The following XRCC6 variants were observed in gnomAD, a reference collection of about 807,000 sequenced individuals.
XRCC6 encodes the protein X-ray repair cross complementing 6, also known as DNA repair protein Ku70.
In XRCC6, 5 loss-of-function variants were observed where a neutral mutation model predicts 65.7. The observed-to-expected ratio is 0.08, with a 90% CI of 0.04 to 0.16. The LOEUF (loss-of-function observed/expected upper bound fraction) is 0.16. Among genes scored for constraint, XRCC6 ranks in the 10% least tolerant of loss-of-function variants. The probability of loss-of-function intolerance (pLI) is 1.00; values close to 1 mark genes in which losing one functional copy is unlikely to be tolerated. For missense variants in XRCC6, 447 were observed against 738.1 expected (o/e 0.61, Z 4.57); for synonymous variants, 270 against 270.6 (o/e 1.00, Z 0.02).
chr22:41,632,563 A>G (rs926000246), intron 3 of XRCC6, among the ~76,000 whole-genome samples: 2 of 152,076 alleles, frequency 1.3e-5, no homozygotes, highest in Non-Finnish European at 2.9e-5. Flanking sequence ...GTGAGCCAGG[A>G]TCACGCCACT....
At chr22:41,629,188 T>C (rs1034009450) in intron 3 of XRCC6, among the ~76,000 whole-genome samples, 1 of 152,170 alleles carries the variant, frequency 6.6e-6, no homozygotes, top group Non-Finnish European at 1.5e-5. Context: ...TGACTGTACC[T>C]GACCTGTTCT....
At chr22:41,633,771 G>T (rs543580672) in intron 3 of XRCC6, among the ~76,000 whole-genome samples, 1 of 152,262 alleles carries the variant, frequency 6.6e-6, no homozygotes, top group African/African-American at 2.4e-5. Context: ...ATTTCAGAGA[G>T]TTAATGGAAC....
chr22:41,644,784 C>T (rs1263975735), intron 6 of XRCC6, among the ~76,000 whole-genome samples: 10 of 151,966 alleles, frequency 6.6e-5, no homozygotes, highest in East Asian at 5.8e-4. Context: ...CCACTGCACC[C>T]GGCCTGCAGA....
At chr22:41,624,074 T>C (rs1461351831) in intron 2 of XRCC6, among the ~76,000 whole-genome samples, 1 of 151,700 alleles carries the variant, frequency 6.6e-6, no homozygotes, top group Non-Finnish European at 1.5e-5. Flanking sequence ...TGGCTCACAC[T>C]TGTAATCTCA....
At chr22:41,660,370 C>T (rs538053291) in intron 11 of XRCC6, among the ~76,000 whole-genome samples, 25 of 152,316 alleles carry the variant, frequency 1.6e-4, no homozygotes, top group African/African-American at 5.3e-4. Flanking sequence ...ATTCTGGTTT[C>T]CAGCTCTGTG....
Position 41,623,634 on chromosome 22 carries a change from T to C in XRCC6, c.82+1548T>C, listed in dbSNP as rs575250404. On this transcript the variant is annotated intron_variant, in intron 2 of 12. Coordinates refer to ENST00000360079, the MANE Select transcript of XRCC6 (RefSeq NM_001469.5). ...GATCTCCTGACCTTGTGATCCGCCC[T>C]ACTCAGCATCCCAAAGTGCTGGGAT... Among the ~76,000 whole-genome samples, 8 of 152,200 alleles carry C rather than the reference T, an allele frequency of 5.3e-5. No homozygotes were observed. In the South Asian group the frequency reaches 1.7e-3, roughly 32 times the overall value.
At chr22:41,658,382 C>T in intron 11 of XRCC6, 30 bp downstream of exon 11, 1 of 1,602,750 alleles carries the variant, frequency 6.2e-7, no homozygotes, top group Non-Finnish European at 8.5e-7. Context: ...TAGTTCTTTT[C>T]ATGGGAGGCT....
At chr22:41,649,233 C>G (rs1388684347) in intron 7 of XRCC6, among the ~76,000 whole-genome samples, 1 of 148,854 alleles carries the variant, frequency 6.7e-6, no homozygotes, top group Non-Finnish European at 1.5e-5. Flanking sequence ...GTAGCGCCAT[C>G]ATGGTTGACT....
chr22:41,635,142 A>G (rs1051734570), intron 3 of XRCC6, among the ~76,000 whole-genome samples: 4 of 152,206 alleles, frequency 2.6e-5, no homozygotes, highest in Non-Finnish European at 4.4e-5. Context: ...GTATTTGCAT[A>G]TAACCTACAC....
chr22:41,622,123 GGAAGA>G (rs764700410), intron 2 of XRCC6, 37 bp downstream of exon 2: 4 of 1,608,652 alleles, frequency 2.5e-6, no homozygotes, highest in Non-Finnish European at 3.4e-6. Flanking sequence ...TTCGGTGTGT[GGAAGA>G]AAGACCTTCC....
At position 41,658,330 on chromosome 22, in the gene XRCC6, G is replaced by C; in HGVS notation, c.1500G>C (p.Pro500=). The stretch of plus-strand genomic sequence containing the variant: ...CCTTGGCCTTGGATTTGATGGAGCC[G>C]GAACAAGCAGTGGACCTGACATGTA... ...LEALALDLME[P]EQAVDLTLPK... is the part of the protein sequence containing the mutation. The change falls in exon 11 of 13, where the codon CCG becomes CCC. Residue 500 remains proline (P), a synonymous_variant. Coordinates refer to ENST00000360079, the MANE Select transcript of XRCC6 (RefSeq NM_001469.5). 1 of 1,614,108 alleles carries C rather than the reference G, an allele frequency of 6.2e-7. No homozygotes were observed. Among genetic ancestry groups the C allele is most frequent in the Middle Eastern group, 1.7e-4 (1 of 6,048 alleles).
At chr22:41,622,493 GT>G (rs909117236) in intron 2 of XRCC6, among the ~76,000 whole-genome samples, 1 of 152,142 alleles carries the variant, frequency 6.6e-6, no homozygotes, top group African/African-American at 2.4e-5. Context: ...TTACAGGAAA[GT>G]GATTGATTCC....
chr22:41,643,477 G>A (rs185846378), intron 6 of XRCC6, among the ~76,000 whole-genome samples: 28 of 151,944 alleles, frequency 1.8e-4, no homozygotes, highest in African/African-American at 4.8e-4. Flanking sequence ...TAGCTGCATC[G>A]TATACATTTT....
intron 6 of XRCC6, among the ~76,000 whole-genome samples, chr22:41,646,351 T>TA (rs1016295244): frequency 1.6e-4 from 24 of 152,038 alleles, no homozygotes; most frequent in African/African-American, 5.8e-4. Flanking sequence ...CTTACAGGGT[T>TA]ATTATGATGA....
intron 6 of XRCC6, among the ~76,000 whole-genome samples, chr22:41,638,807 G>A (rs958995604): frequency 2.7e-5 from 4 of 149,524 alleles, no homozygotes; most frequent in African/African-American, 1.0e-4. Context: ...AAGAAATATG[G>A]TATAAAGATA....
chr22:41,646,603 C>CA (rs1378699662), intron 6 of XRCC6, among the ~76,000 whole-genome samples: 4 of 151,630 alleles, frequency 2.6e-5, no homozygotes, highest in African/African-American at 7.3e-5. Context: ...GCAAATATTC[C>CA]AAAAAAAATC....
In XRCC6 at chr22:41,656,008, C is replaced by T. The variant is rs1025103991; in HGVS notation, c.1292-895C>T. Among the ~76,000 whole-genome samples, 5 of 151,570 alleles carry T rather than the reference C, an allele frequency of 3.3e-5. No individual in the cohort carries two copies. In the East Asian group the frequency reaches 7.9e-4, roughly 24 times the overall value. On this transcript the variant is annotated intron_variant, in intron 9 of 12. Coordinates refer to ENST00000360079, the MANE Select transcript of XRCC6 (RefSeq NM_001469.5). Reference sequence around the variant, plus strand: ...CTTTGGGAGGCTGTGGCAGGTGGATCGCCTGAGCCCAGGAGTTTTGAGACC... The same window carrying T: ...CTTTGGGAGGCTGTGGCAGGTGGATTGCCTGAGCCCAGGAGTTTTGAGACC...
chr22:41,661,216 C>T (rs887713058), intron 11 of XRCC6, 115 bp from the exon 12 acceptor site: 12 of 837,952 alleles, frequency 1.4e-5, no homozygotes, highest in Non-Finnish European at 2.1e-5. Context: ...CCCTAGACCC[C>T]TCCCACCTTA....
At chr22:41,638,386 C>G (rs554753425) in intron 6 of XRCC6, among the ~76,000 whole-genome samples, 1 of 152,294 alleles carries the variant, frequency 6.6e-6, no homozygotes, top group African/African-American at 2.4e-5. Context: ...GCCTGTTGCT[C>G]TTAGGCTACA....
Sources: gnomAD v4.1 joint callset for allele counts (sites outside exome capture counted in the v4.1 genomes callset) on GRCh38, gnomAD v4.1.1 for gene constraint, MANE v1.5 for transcripts, NCBI Gene and HGNC (gene_info 2026-07-23, HGNC 2026-07-21) for gene names.